The following SEMA6D variants were observed in gnomAD, a reference collection of about 807,000 sequenced individuals.
SEMA6D encodes the protein semaphorin 6D, also known as semaphorin-6D.
A neutral mutation model predicts 106.6 loss-of-function variants in SEMA6D; 35 were observed. The ratio of observed to expected loss-of-function variants is 0.33; its 90% CI spans 0.25 to 0.44. SEMA6D has a LOEUF of 0.44. SEMA6D is among the 20% of genes least tolerant of loss of function. The pLI, the probability that SEMA6D is intolerant of heterozygous loss-of-function variation, is 1.00. For synonymous variants in SEMA6D, 499 were observed against 487.7 expected (o/e 1.02, Z -0.31); for missense variants, 1,185 against 1,345.9 (o/e 0.88, Z 1.87).
intron 4 of SEMA6D, among the ~76,000 whole-genome samples, chr15:47,642,439 T>TGC (rs985525009): frequency 7.9e-5 from 12 of 151,570 alleles, no homozygotes; most frequent in Admixed American, 2.0e-4. Flanking sequence ...CAGAAACAGA[T>TGC]GCACACACAC....
chr15:47,286,836 C>T (rs2035385319), intron 1 of SEMA6D, among the ~76,000 whole-genome samples: 1 of 152,150 alleles, frequency 6.6e-6, no homozygotes, highest in South Asian at 2.1e-4. Context: ...CTTATATTCA[C>T]TGTCCTAACC....
chr15:47,369,001 T>TCC (rs879308172), intron 1 of SEMA6D, among the ~76,000 whole-genome samples: 83 of 152,298 alleles, frequency 5.4e-4, no homozygotes, highest in Non-Finnish European at 8.8e-4. Context: ...GGAAACACAT[T>TCC]GTGGGCCAGT....
At chr15:47,654,646 G>T (rs2077757361) in intron 4 of SEMA6D, among the ~76,000 whole-genome samples, 1 of 152,180 alleles carries the variant, frequency 6.6e-6, no homozygotes, top group Non-Finnish European at 1.5e-5. Context: ...CCATCTCATT[G>T]GTGATAAGTG....
At chr15:47,270,405 ATCTG>A (rs2034504531) in intron 1 of SEMA6D, among the ~76,000 whole-genome samples, 6 of 151,958 alleles carry the variant, frequency 3.9e-5, no homozygotes, top group Admixed American at 3.9e-4. Context: ...TAATCATACC[ATCTG>A]ACAATTAAAA....
At chr15:47,248,937 A>G (rs1595539767) in intron 1 of SEMA6D, among the ~76,000 whole-genome samples, 1 of 152,206 alleles carries the variant, frequency 6.6e-6, no homozygotes, top group Non-Finnish European at 1.5e-5. Context: ...TTCAGTTAAC[A>G]GTGGACTAGG....
At chr15:47,758,946 A>G (rs1221236909) in intron 1 of SEMA6D, among the ~76,000 whole-genome samples, 1 of 152,194 alleles carries the variant, frequency 6.6e-6, no homozygotes, top group East Asian at 1.9e-4. Flanking sequence ...ATGGTCCCTA[A>G]GGACCCCCAC....
chr15:47,696,269 T>G (rs555097837), intron 4 of SEMA6D, among the ~76,000 whole-genome samples: 1 of 152,250 alleles, frequency 6.6e-6, no homozygotes, highest in Non-Finnish European at 1.5e-5. Context: ...TAGTTGGACA[T>G]TCAGCATTCT....
chr15:47,420,227 A>G lies in SEMA6D; in HGVS notation c.-159+7755A>G, dbSNP rs1443478114. Among the ~76,000 whole-genome samples, 3 of 152,086 alleles carry G rather than the reference A, an allele frequency of 2.0e-5. No homozygotes were observed. The East Asian group carries it at 5.8e-4, about 29-fold the overall frequency. On this transcript the variant is annotated intron_variant, in intron 2 of 19. Transcript: ENST00000558014. Reference sequence around the variant, plus strand: ...AGAGCCCAATAGCTCAATTTTAATCAGAGGATACCTTTGCCTTCCTTCAAC... The same window carrying G: ...AGAGCCCAATAGCTCAATTTTAATCGGAGGATACCTTTGCCTTCCTTCAAC...
chr15:47,327,647 A>G (rs2037183796), intron 1 of SEMA6D, among the ~76,000 whole-genome samples: 1 of 152,218 alleles, frequency 6.6e-6, no homozygotes, highest in Non-Finnish European at 1.5e-5. Context: ...TATGCAAGCC[A>G]CAACAAAGAA....
intron 1 of SEMA6D, among the ~76,000 whole-genome samples, chr15:47,246,245 G>A (rs1486655498): frequency 2.6e-5 from 4 of 152,104 alleles, no homozygotes; most frequent in African/African-American, 9.7e-5. Context: ...CAATTAGTGG[G>A]GAGCCATGGG....
chr15:47,746,984 G>GTGTATATATATATATATA (rs1401767590), intron 1 of SEMA6D, among the ~76,000 whole-genome samples: 6 of 122,108 alleles, frequency 4.9e-5, no homozygotes, highest in South Asian at 5.7e-4. Flanking sequence ...GTGTGTGTGT[G>GTGTATATATATATATATA]TATATATATA....
intron 1 of SEMA6D, among the ~76,000 whole-genome samples, chr15:47,278,118 G>A (rs1430987575): frequency 6.6e-6 from 1 of 151,682 alleles, no homozygotes; most frequent in Non-Finnish European, 1.5e-5. Flanking sequence ...AGTCCTTTGG[G>A]TATATACCCA....
intron 1 of SEMA6D, among the ~76,000 whole-genome samples, chr15:47,233,620 A>T (rs1162849065): frequency 6.6e-6 from 1 of 151,930 alleles, no homozygotes; most frequent in African/African-American, 2.4e-5. Context: ...TTCAGTATTT[A>T]AATCTTTTAC....
At chr15:47,700,920 AC>A (rs768807446) in intron 4 of SEMA6D, among the ~76,000 whole-genome samples, 1 of 152,214 alleles carries the variant, frequency 6.6e-6, no homozygotes, top group Non-Finnish European at 1.5e-5. Context: ...TTGGAAAAAA[AC>A]ATTAATCTAG....
chr15:47,709,997 A>G (rs990638267), intron 4 of SEMA6D, among the ~76,000 whole-genome samples: 1 of 152,168 alleles, frequency 6.6e-6, no homozygotes, highest in Admixed American at 6.5e-5. Context: ...AAGCACAATA[A>G]ATAAACATGA....
At chr15:47,573,583 G>C (rs558340871) in intron 3 of SEMA6D, among the ~76,000 whole-genome samples, 19 of 152,258 alleles carry the variant, frequency 1.2e-4, no homozygotes, top group African/African-American at 4.6e-4. Context: ...TGTTCATCTT[G>C]AGTCTCATGG....
At chr15:47,580,845 G>T (rs933623814) in intron 3 of SEMA6D, among the ~76,000 whole-genome samples, 1 of 152,188 alleles carries the variant, frequency 6.6e-6, no homozygotes, top group Non-Finnish European at 1.5e-5. Context: ...AACAATTTGG[G>T]TGTAATGTGA....
Position 47,759,825 on chromosome 15 carries a change from C to T in SEMA6D, c.27C>T (p.Tyr9=). The T allele has an allele frequency of 6.2e-7, 1 of 1,613,830 alleles. No individual in the cohort carries two copies. Among genetic ancestry groups the T allele is most frequent in the Non-Finnish European group, 8.5e-7 (1 of 1,179,740 alleles). ...TGAGGGTCTTCCTGCTTTGTGCCTACATACTGCTGCTGATGGTTTCCCAGT... is the reference window on the plus strand; with the variant it reads ...TGAGGGTCTTCCTGCTTTGTGCCTATATACTGCTGCTGATGGTTTCCCAGT... MRVFLLCA[Y]ILLLMVSQLR... Residue 9 remains tyrosine, a synonymous_variant, in exon 2 of 19, where the codon TAC becomes TAT. Transcript: ENST00000536845.
intron 3 of SEMA6D, among the ~76,000 whole-genome samples, chr15:47,556,993 G>C (rs1359265880): frequency 6.6e-6 from 1 of 152,090 alleles, no homozygotes; most frequent in Non-Finnish European, 1.5e-5. Context: ...ACATAACAAT[G>C]CCTACCTTAA....
Sources: gnomAD v4.1 joint callset for allele counts (sites outside exome capture counted in the v4.1 genomes callset) on GRCh38, gnomAD v4.1.1 for gene constraint, MANE v1.5 for transcripts, NCBI Gene and HGNC (gene_info 2026-07-23, HGNC 2026-07-21) for gene names.